The following MGST1 variants were observed in gnomAD, a reference collection of about 807,000 sequenced individuals.
MGST1 encodes the protein glutathione S-transferase 12.
Under a neutral mutation model 8.9 loss-of-function variants are expected in MGST1, and 5 were observed. The observed-to-expected ratio is 0.56, with a 90% CI of 0.29 to 1.19. The LOEUF (loss-of-function observed/expected upper bound fraction) is 1.19. Among genes scored for constraint, MGST1 ranks in the 50% most tolerant of loss-of-function variants. MGST1 has a pLI of 0.08. For missense variants in MGST1, 182 were observed against 187.4 expected, an observed-to-expected ratio of 0.97 and a Z score of 0.17; for synonymous variants, 54 against 67.8, an observed-to-expected ratio of 0.80 and a Z score of 1.00.
At position 16,347,868 on chromosome 12, in the gene MGST1, G is replaced by T. The variant is rs529352248; in HGVS notation, c.-23+158G>T. 1.3e-5 allele frequency: 2 copies of T among 152,374 alleles called. No individual in the cohort carries two copies. Among genetic ancestry groups the T allele is most frequent in the East Asian group, 3.9e-4 (2 of 5,178 alleles). The allele number at this position is 152,374 out of a possible 1,614,324, so 9.4% of individuals were successfully genotyped here. On this transcript the variant is annotated intron_variant, in intron 1 of 3. Transcript: ENST00000396210. This position sits in a 1 kb window ranked among gnomAD's most constrained non-coding sequence, Gnocchi z 4.0. ...CTTAGCTTTTCAATCGATCGCTTTT[G>T]AAAGGGAATTGTATTTCTGTCCCCG...
Position 16,517,808 on chromosome 12 carries a change from C to T in MGST1, n.483-71720C>T, listed in dbSNP as rs973644629. On this transcript the variant is annotated intron_variant and non_coding_transcript_variant, in intron 4 of 4. Transcript: ENST00000538857. This position sits in a 1 kb window ranked among gnomAD's most constrained non-coding sequence, Gnocchi z 4.2. ...GTGGACTTTGAGGTTTTTGGATTCT[C>T]ATAATTTCTTATTGGAGATTAGTAT... 6.6e-6 allele frequency among the ~76,000 whole-genome samples: 1 copy of T among 152,130 alleles called. No homozygotes were observed. Among genetic ancestry groups the T allele is most frequent in the Non-Finnish European group, 1.5e-5 (1 of 68,032 alleles).
intron 4 of MGST1, among the ~76,000 whole-genome samples, chr12:16,506,992 G>T (rs1941542206): frequency 6.6e-6 from 1 of 152,164 alleles, no homozygotes; most frequent in Non-Finnish European, 1.5e-5. Flanking sequence ...AAAGGACACA[G>T]ACAATAGAAC....
At chr12:16,550,462 T>C (rs981081750) in intron 4 of MGST1, 1 of 152,396 alleles carries the variant, frequency 6.6e-6, no homozygotes, top group Non-Finnish European at 1.5e-5. Context: ...AAAAAGGATA[T>C]TAAAAGGAAA....
intron 4 of MGST1, among the ~76,000 whole-genome samples, chr12:16,588,343 A>T (rs938249362): frequency 2.1e-4 from 32 of 152,086 alleles, no homozygotes; most frequent in Admixed American, 2.1e-3. Flanking sequence ...AAATAATGTG[A>T]GTAAAAAAGT....
chr12:16,553,536 T>G (rs1229347398), intron 4 of MGST1, among the ~76,000 whole-genome samples: 1 of 152,164 alleles, frequency 6.6e-6, no homozygotes. Flanking sequence ...ATTACTAATA[T>G]GTTATCAACT....
chr12:16,528,977 GAGCTCTT>G (rs994386526), intron 4 of MGST1, among the ~76,000 whole-genome samples: 4 of 151,714 alleles, frequency 2.6e-5, no homozygotes. Context: ...AAGTCAGTGA[GAGCTCTT>G]AGCCTTGATG....
At chr12:16,531,279 C>A (rs1046225443) in intron 4 of MGST1, among the ~76,000 whole-genome samples, 1 of 150,744 alleles carries the variant, frequency 6.6e-6, no homozygotes, top group South Asian at 2.1e-4. Flanking sequence ...AAAAGAGACA[C>A]AGGCTAGGCA....
intron 4 of MGST1, among the ~76,000 whole-genome samples, chr12:16,479,301 C>G (rs1447359510): frequency 2.1e-5 from 3 of 142,408 alleles, no homozygotes; most frequent in Admixed American, 7.3e-5. Context: ...GTGGCGCGAT[C>G]TGGGCTCACT....
intron 1 of MGST1, among the ~76,000 whole-genome samples, chr12:16,420,716 G>A (rs2137083575): frequency 6.6e-6 from 1 of 152,266 alleles, no homozygotes; most frequent in East Asian, 1.9e-4. Context: ...TCTATAGGAA[G>A]CGGGGGTGAT....
At chr12:16,350,740 T>C (rs1214345136) in intron 1 of MGST1, 3 of 152,232 alleles carry the variant, frequency 2.0e-5, no homozygotes, top group African/African-American at 7.2e-5. Flanking sequence ...ATTACCTGGC[T>C]CTTGGGTACC....
chr12:16,403,169 A>G (rs1940674396), intron 1 of MGST1, among the ~76,000 whole-genome samples: 2 of 152,128 alleles, frequency 1.3e-5, no homozygotes, highest in South Asian at 4.1e-4. Flanking sequence ...GCATGTGTCA[A>G]TATGTAGGAT....
chr12:16,584,804 T>C lies in MGST1; in HGVS notation n.483-4724T>C, dbSNP rs1203443749. Among the ~76,000 whole-genome samples the C allele has an allele frequency of 6.6e-6, 1 of 152,110 alleles. No homozygotes were observed. Among genetic ancestry groups the C allele is most frequent in the Non-Finnish European group, 1.5e-5 (1 of 68,022 alleles). On this transcript the variant is annotated intron_variant and non_coding_transcript_variant, in intron 4 of 4. Coordinates refer to the MGST1 transcript ENST00000538857. The surrounding 1 kb of genome is among the most constrained non-coding windows in gnomAD (Gnocchi z 5.2). The stretch of plus-strand genomic sequence containing the variant: ...TGTTAGGCTGAAAGCTCCCAGGAGA[T>C]TTCTGAAGCAGGAGTGTAACTGGTA...
At chr12:16,480,705 C>A (rs1591741275) in intron 4 of MGST1, among the ~76,000 whole-genome samples, 1 of 152,134 alleles carries the variant, frequency 6.6e-6, no homozygotes, top group South Asian at 2.1e-4. Flanking sequence ...TGTAAGGGAT[C>A]AGGTAGTAAA....
chr12:16,554,473 G>A (rs1373213006), intron 4 of MGST1, among the ~76,000 whole-genome samples: 1 of 151,990 alleles, frequency 6.6e-6, no homozygotes, highest in Non-Finnish European at 1.5e-5. Flanking sequence ...TAAGAAGTCC[G>A]GGTTGTGTAC....
At chr12:16,357,786 T>C in intron 3 of MGST1, 87 bp downstream of exon 3, 1 of 1,064,074 alleles carries the variant, frequency 9.4e-7, no homozygotes, top group Non-Finnish European at 1.4e-6. Flanking sequence ...TCTTGGAGAC[T>C]GAGGAAAAAA....
chr12:16,592,571 C>A (rs1345876379), downstream of MGST1, among the ~76,000 whole-genome samples: 2 of 151,954 alleles, frequency 1.3e-5, no homozygotes, highest in East Asian at 3.9e-4. Flanking sequence ...CCATCCACTT[C>A]CCTTACTCCT....
At chr12:16,349,744 T>C (rs1003735748) in intron 1 of MGST1, among the ~76,000 whole-genome samples, 2 of 106,188 alleles carry the variant, frequency 1.9e-5, no homozygotes, top group South Asian at 5.7e-4. Flanking sequence ...CCAGAGCTTC[T>C]TTTTTTTTTT....
chr12:16,575,482 A>G (rs1942965409), intron 4 of MGST1, among the ~76,000 whole-genome samples: 1 of 152,190 alleles, frequency 6.6e-6, no homozygotes, highest in Admixed American at 6.5e-5. Context: ...GGCTTAGTGT[A>G]TAAGAGCTAA....
At chr12:16,356,297 A>G (rs1939709851) in intron 2 of MGST1, among the ~76,000 whole-genome samples, 1 of 152,204 alleles carries the variant, frequency 6.6e-6, no homozygotes, top group African/African-American at 2.4e-5. Flanking sequence ...TGCCCTTTCC[A>G]TTGTAATACA....
Sources: gnomAD v4.1 joint callset for allele counts (sites outside exome capture counted in the v4.1 genomes callset) on GRCh38, gnomAD v4.1.1 for gene constraint, Gnocchi (gnomAD v3.1) non-coding constraint, MANE v1.5 for transcripts, NCBI Gene and HGNC (gene_info 2026-07-23, HGNC 2026-07-21) for gene names.